FAM13B: variants seen among roughly 807,000 people sequenced by gnomAD.
The protein encoded by FAM13B is protein FAM13B.
A neutral mutation model predicts 117.3 loss-of-function variants in FAM13B; 60 were observed. That is an observed-to-expected ratio of 0.51 (90% CI 0.42 to 0.63). The LOEUF (loss-of-function observed/expected upper bound fraction) is 0.63. FAM13B is among the 30% of genes least tolerant of loss of function. The probability of loss-of-function intolerance (pLI) is 0.00; values close to 1 mark genes in which losing one functional copy is unlikely to be tolerated. For synonymous variants in FAM13B, 332 were observed against 356.1 expected, an observed-to-expected ratio of 0.93 and a Z score of 0.76; for missense variants, 972 against 1,091.9, an observed-to-expected ratio of 0.89 and a Z score of 1.55.
In FAM13B at chr5:137,949,081, T is replaced by G. The variant is rs1561735207; in HGVS notation, c.2034A>C (p.Glu678Asp). The part of the protein sequence containing the change: ...SFGSSLDHED[E>D]ENEDEPKVIQ... ...TGACCTTGGGTTCATCTTCATTCTC[T>G]TCATCTTCATGGTCTAGAGAAGAGC... is the stretch of plus-strand genomic sequence containing the variant. The change falls in exon 18 of 24, where the codon GAA becomes GAC. Residue 678 changes from glutamate (E) to aspartate (D), a missense_variant. Coordinates refer to ENST00000689681, the MANE Select transcript of FAM13B (RefSeq NM_001385994.1). 6.2e-7 allele frequency: 1 copy of G among 1,614,126 alleles called. No homozygotes were observed. Among genetic ancestry groups the G allele is most frequent in the South Asian group, 1.1e-5 (1 of 91,088 alleles).
In FAM13B at chr5:138,018,532, A is replaced by ATC; in HGVS notation, c.158-19_158-18insGA. 6.2e-7 allele frequency: 1 copy of ATC among 1,602,734 alleles called. No individual in the cohort carries two copies. ...CAGACCTCCTACGTTAGTTCAAGGC[A>ATC]ATCATTCAATAAGCTGCAATGTCAA... On this transcript the variant is annotated intron_variant, in intron 3 of 23. Coordinates refer to ENST00000689681, the MANE Select transcript of FAM13B (RefSeq NM_001385994.1).
At position 138,019,164 on chromosome 5, in the gene FAM13B, A is replaced by C; in HGVS notation, c.-35-18T>G. 7.6e-7 allele frequency: 1 copy of C among 1,309,318 alleles called. No individual in the cohort carries two copies. Among genetic ancestry groups the C allele is most frequent in the South Asian group, 1.4e-5 (1 of 73,054 alleles). The allele number at this position is 1,309,318 out of a possible 1,614,324, so 81.1% of individuals were successfully genotyped here. On this transcript the variant is annotated intron_variant, in intron 2 of 23. Coordinates refer to ENST00000689681, the MANE Select transcript of FAM13B (RefSeq NM_001385994.1). Reference sequence around the variant, plus strand: ...TGTCTTTTCTGCCAAATGAAAGACAAAAAAAAAAGACTATAATGATTAACA... The same window carrying C: ...TGTCTTTTCTGCCAAATGAAAGACACAAAAAAAAGACTATAATGATTAACA...
intron 13 of FAM13B, among the ~76,000 whole-genome samples, chr5:137,957,927 G>A (rs188386603): frequency 6.6e-6 from 1 of 152,302 alleles, no homozygotes; most frequent in East Asian, 1.9e-4. Flanking sequence ...CAAGAACGCT[G>A]ACGCTAGACA....
upstream of FAM13B, among the ~76,000 whole-genome samples, chr5:138,037,549 T>C (rs936414637): frequency 2.0e-5 from 3 of 152,012 alleles, no homozygotes; most frequent in African/African-American, 7.3e-5. Context: ...ATGCCCTCAT[T>C]ATTCACAGAG....
intron 13 of FAM13B, among the ~76,000 whole-genome samples, chr5:137,957,908 A>G (rs1047255204): frequency 1.3e-5 from 2 of 152,244 alleles, no homozygotes; most frequent in Admixed American, 1.3e-4. Flanking sequence ...GTTCTCTTTC[A>G]GGGAGACTCA....
intron 10 of FAM13B, among the ~76,000 whole-genome samples, chr5:137,981,035 C>T (rs1353942878): frequency 6.6e-6 from 1 of 151,190 alleles, no homozygotes; most frequent in African/African-American, 2.4e-5. Flanking sequence ...CCTCAGCCTC[C>T]CAAGTAGCTG....
At chr5:137,968,520 C>A (rs187311125) in intron 10 of FAM13B, among the ~76,000 whole-genome samples, 14 of 151,686 alleles carry the variant, frequency 9.2e-5, no homozygotes, top group Non-Finnish European at 2.1e-4. Flanking sequence ...TTATGTAGCA[C>A]CTAGTACTAC....
chr5:137,953,808 T>C (rs1765679734), intron 15 of FAM13B, among the ~76,000 whole-genome samples: 1 of 152,198 alleles, frequency 6.6e-6, no homozygotes, highest in African/African-American at 2.4e-5. Context: ...AAAAAAAGAT[T>C]AGGAACTGCT....
intron 10 of FAM13B, among the ~76,000 whole-genome samples, chr5:137,972,686 G>A (rs1194547348): frequency 2.6e-5 from 4 of 151,864 alleles, no homozygotes; most frequent in East Asian, 3.9e-4. Context: ...GTTTGCAGAC[G>A]ACATGATTGT....
intron 6 of FAM13B, 70 bp from the exon 7 acceptor site, chr5:138,007,217 CTAT>C: frequency 8.2e-7 from 1 of 1,213,188 alleles, no homozygotes; most frequent in Non-Finnish European, 1.1e-6. Flanking sequence ...ACATACTATT[CTAT>C]GAAAATTTTA....
In FAM13B at chr5:137,942,320, A is replaced by T. The variant is rs146846332; in HGVS notation, c.2589-275T>A. On this transcript the variant is annotated intron_variant, in intron 22 of 23. Coordinates refer to ENST00000689681, the MANE Select transcript of FAM13B (RefSeq NM_001385994.1). ...ATATAGAACAAAAAGATCAACTCGC[A>T]ACTAGTTCCTGTACTTTGTTATAAA... 7.3e-5 allele frequency: 30 copies of T among 408,934 alleles called. No individual in the cohort carries two copies. In the East Asian group the frequency reaches 1.1e-3, roughly 15 times the overall value. The allele number at this position is 408,934 out of a possible 1,614,324, so 25.3% of individuals were successfully genotyped here. A position where few individuals can be genotyped will look rare whatever the true frequency, so the allele number is the denominator to read the frequency against.
intron 1 of FAM13B, among the ~76,000 whole-genome samples, chr5:138,024,409 A>C (rs1787616583): frequency 6.6e-6 from 1 of 152,126 alleles, no homozygotes; most frequent in Non-Finnish European, 1.5e-5. Context: ...TGGAAGAGGC[A>C]AAGAAAGATT....
intron 14 of FAM13B, 87 bp from the exon 15 acceptor site, chr5:137,954,463 A>G: frequency 1.1e-6 from 1 of 936,624 alleles, no homozygotes; most frequent in South Asian, 1.6e-5. Flanking sequence ...TGTGTTCCTT[A>G]AATCATATCA....
At chr5:138,017,398 C>T (rs1381687799) in intron 4 of FAM13B, among the ~76,000 whole-genome samples, 1 of 152,094 alleles carries the variant, frequency 6.6e-6, no homozygotes, top group Non-Finnish European at 1.5e-5. Flanking sequence ...TTATAGAATG[C>T]CCAGCTGTGA....
At chr5:138,004,872 C>A (rs1782157119) in intron 7 of FAM13B, among the ~76,000 whole-genome samples, 1 of 151,944 alleles carries the variant, frequency 6.6e-6, no homozygotes, top group African/African-American at 2.4e-5. Flanking sequence ...AGCGAGAGAC[C>A]CTGTCATTAA....
intron 15 of FAM13B, 109 bp from the exon 16 acceptor site, chr5:137,953,574 A>C (rs147143836): frequency 8.7e-7 from 1 of 1,148,774 alleles, no homozygotes; most frequent in African/African-American, 1.5e-5. Context: ...AAAGGTAAAA[A>C]TAAGTCCCTA....
intron 1 of FAM13B, chr5:138,039,202 GA>G (rs1267871089): frequency 2.6e-5 from 4 of 152,082 alleles, no homozygotes; most frequent in Non-Finnish European, 5.9e-5. Context: ...TTTTATTGTT[GA>G]AAATAAATAA....
chr5:138,001,247 G>A (rs1367133694), intron 7 of FAM13B, among the ~76,000 whole-genome samples: 1 of 152,092 alleles, frequency 6.6e-6, no homozygotes, highest in African/African-American at 2.4e-5. Flanking sequence ...TCCAATAAAT[G>A]TTTGCAAATT....
intron 20 of FAM13B, among the ~76,000 whole-genome samples, chr5:137,944,276 C>T (rs539043689): frequency 6.6e-6 from 1 of 152,032 alleles, no homozygotes; most frequent in African/African-American, 2.4e-5. Flanking sequence ...TGCTGACATT[C>T]GACTCAGCAA....
Sources: allele counts gnomAD v4.1 joint callset (sites outside exome capture counted in the v4.1 genomes callset), GRCh38; gene constraint gnomAD v4.1.1; transcripts MANE v1.5; gene names NCBI Gene and HGNC (gene_info 2026-07-23, HGNC 2026-07-21).